CACNA1E: variants seen among roughly 807,000 people sequenced by gnomAD.
CACNA1E encodes the protein calcium voltage-gated channel subunit alpha1 E.
Under a neutral mutation model 259.2 loss-of-function variants are expected in CACNA1E, and 40 were observed. The ratio of observed to expected loss-of-function variants is 0.15; its 90% CI spans 0.12 to 0.20. The LOEUF (loss-of-function observed/expected upper bound fraction) is 0.20. CACNA1E is among the 10% of genes least tolerant of loss of function. The probability of loss-of-function intolerance (pLI) is 1.00; values close to 1 mark genes in which losing one functional copy is unlikely to be tolerated. For missense variants in CACNA1E, 1,874 were observed against 3,040.1 expected (o/e 0.62, Z 9.02); for synonymous variants, 1,104 against 1,138.5 (o/e 0.97, Z 0.61).
At chr1:181,597,777 A>G (rs981886611) in intron 6 of CACNA1E, among the ~76,000 whole-genome samples, 1 of 152,224 alleles carries the variant, frequency 6.6e-6, no homozygotes, top group Admixed American at 6.5e-5. Flanking sequence ...AGCAAGTCAC[A>G]TTTTATGCAG....
intron 1 of CACNA1E, among the ~76,000 whole-genome samples, chr1:181,367,150 G>C (rs1176525958): frequency 6.6e-6 from 1 of 152,182 alleles, no homozygotes; most frequent in Non-Finnish European, 1.5e-5. Flanking sequence ...ACGCAAAAGA[G>C]TGTTGTGGTT....
intron 6 of CACNA1E, among the ~76,000 whole-genome samples, chr1:181,600,772 T>C (rs1426637139): frequency 2.6e-5 from 4 of 152,166 alleles, no homozygotes; most frequent in African/African-American, 7.2e-5. Context: ...TCATAAGAAG[T>C]AAGTAGCTGG....
intron 3 of CACNA1E, among the ~76,000 whole-genome samples, chr1:181,516,998 C>T (rs1348669147): frequency 2.0e-5 from 3 of 152,108 alleles, no homozygotes; most frequent in Non-Finnish European, 2.9e-5. Flanking sequence ...CTAGGAGGCC[C>T]CTCAAGAGCT....
At chr1:181,643,692 CT>C (rs1256711994) in intron 6 of CACNA1E, among the ~76,000 whole-genome samples, 5 of 152,200 alleles carry the variant, frequency 3.3e-5, no homozygotes, top group Non-Finnish European at 5.9e-5. Context: ...GCCAAACACT[CT>C]GCTGCATTTT....
intron 25 of CACNA1E, 82 bp from the exon 26 acceptor site, chr1:181,750,394 C>T: frequency 2.4e-6 from 3 of 1,241,404 alleles, no homozygotes; most frequent in South Asian, 2.5e-5. Flanking sequence ...TTCTGACTGT[C>T]TTTCTTCTCT....
chr1:181,437,474 C>T (rs1341519914), intron 2 of CACNA1E, among the ~76,000 whole-genome samples: 1 of 152,166 alleles, frequency 6.6e-6, no homozygotes, highest in African/African-American at 2.4e-5. Flanking sequence ...ATGTTGTCCC[C>T]ACTTTCTCAT....
intron 2 of CACNA1E, among the ~76,000 whole-genome samples, chr1:181,471,874 T>G (rs1164758436): frequency 1.4e-5 from 2 of 145,474 alleles, no homozygotes; most frequent in Non-Finnish European, 2.9e-5. Context: ...TCAGTATCAT[T>G]CTGTAAACTG....
At chr1:181,773,219 G>T (rs570643458) in intron 37 of CACNA1E, among the ~76,000 whole-genome samples, 1 of 152,182 alleles carries the variant, frequency 6.6e-6, no homozygotes, top group East Asian at 1.9e-4. Context: ...TCTCCAGTGA[G>T]GGGGGTGGGC....
In CACNA1E at chr1:181,800,143, T is replaced by A. The variant is rs1297222035; in HGVS notation, c.*1309T>A. On this transcript the variant is annotated 3_prime_UTR_variant, in exon 48 of 48. Transcript: ENST00000367573. ...GAGGGACCGTTGGGACCGCAGATTC[T>A]GCAGCTGGTGTGGGGTTCAGGTCAG... 1 of 152,864 alleles carries A rather than the reference T, an allele frequency of 6.5e-6. No homozygotes were observed. The highest frequency in any genetic ancestry group is 1.5e-5 in the Non-Finnish European group (1 of 68,188). 9.5% of individuals were successfully genotyped at this position (152,864 alleles called of 1,614,324 possible). A position where few individuals can be genotyped will look rare whatever the true frequency, so the allele number is the denominator to read the frequency against.
At chr1:181,473,929 G>A (rs1472233867) in intron 2 of CACNA1E, among the ~76,000 whole-genome samples, 1 of 152,192 alleles carries the variant, frequency 6.6e-6, no homozygotes, top group Non-Finnish European at 1.5e-5. Flanking sequence ...AATAGCACTT[G>A]CCACATGGGC....
At chr1:181,668,077 G>A (rs1047316365) in intron 7 of CACNA1E, among the ~76,000 whole-genome samples, 28 of 152,118 alleles carry the variant, frequency 1.8e-4, no homozygotes, top group African/African-American at 6.0e-4. Flanking sequence ...ATTTTATCAC[G>A]TGTAAATTTG....
intron 20 of CACNA1E, 28 bp downstream of exon 20, chr1:181,733,062 G>A (rs1462561887): frequency 6.5e-7 from 1 of 1,548,832 alleles, no homozygotes; most frequent in African/African-American, 1.4e-5. Context: ...CTCCCAGATG[G>A]ATGGCACACA....
At chr1:181,500,922 G>A (rs946813960) in intron 1 of CACNA1E, among the ~76,000 whole-genome samples, 1 of 152,186 alleles carries the variant, frequency 6.6e-6, no homozygotes, top group African/African-American at 2.4e-5. Context: ...TTGATATGAA[G>A]TGGGGTGTAG....
In CACNA1E at chr1:181,634,809, A is replaced by G. The variant is rs536597547; in HGVS notation, c.952-16529A>G. Among the ~76,000 whole-genome samples, 385 of 151,646 alleles carry G rather than the reference A, an allele frequency of 2.5e-3. 2 individuals carry two copies. Among genetic ancestry groups the G allele is most frequent in the African/African-American group, 8.9e-3 (368 of 41,318 alleles). On this transcript the variant is annotated intron_variant, in intron 6 of 47. Coordinates refer to ENST00000367573, the MANE Select transcript of CACNA1E (RefSeq NM_001205293.3). ...GTGTGAGTTCTGCTTCTGTTCTCCT[A>G]CTCCAGGTATGTCCCCTCACCTGGC...
At chr1:181,538,309 C>T (rs1333880024) in intron 3 of CACNA1E, among the ~76,000 whole-genome samples, 1 of 152,104 alleles carries the variant, frequency 6.6e-6, no homozygotes, top group Non-Finnish European at 1.5e-5. Context: ...AATATATCTG[C>T]TTTAAGGGAA....
At position 181,802,677 on chromosome 1, in the gene CACNA1E, T is replaced by C. The variant is rs1459573408; in HGVS notation, c.*3843T>C. On this transcript the variant is annotated 3_prime_UTR_variant, in exon 48 of 48. Transcript: ENST00000367573. ...TCCTCGCAAGACAACTGACACAAGG[T>C]GTAGGGTGTGGGGGTGGACAAAATG... 1 of 152,192 alleles carries C rather than the reference T, an allele frequency of 6.6e-6. No individual in the cohort carries two copies. The highest frequency in any genetic ancestry group is 2.1e-4 in the South Asian group (1 of 4,818). The allele number at this position is 152,192 out of a possible 1,614,324, so 9.4% of individuals were successfully genotyped here.
At chr1:181,794,477 G>A (rs1303667985) in intron 45 of CACNA1E, among the ~76,000 whole-genome samples, 1 of 152,050 alleles carries the variant, frequency 6.6e-6, no homozygotes, top group East Asian at 1.9e-4. Flanking sequence ...CTTCTTTCAT[G>A]AATGGGGTGG....
rs183027019 is a variant in CACNA1E at position 181,356,699 on chromosome 1, C to T, written c.-15+38576C>T. On this transcript the variant is annotated intron_variant, in intron 1 of 11. Coordinates refer to the CACNA1E transcript ENST00000524607. Reference sequence around the variant, plus strand: ...TTCTCTGCCACCTTGGAGGAAGCTGCGGCGGTGGAGGCTGTTCCAGGCTCT... The same window carrying T: ...TTCTCTGCCACCTTGGAGGAAGCTGTGGCGGTGGAGGCTGTTCCAGGCTCT... Among the ~76,000 whole-genome samples, 53 of 152,310 alleles carry T rather than the reference C, an allele frequency of 3.5e-4. 1 individual carries two copies. The East Asian group carries it at 4.4e-3, about 13-fold the overall frequency.
chr1:181,335,243 T>A (rs1308910978), intron 1 of CACNA1E, among the ~76,000 whole-genome samples: 4 of 152,236 alleles, frequency 2.6e-5, no homozygotes, highest in African/African-American at 9.6e-5. Context: ...TCAGGAAAGC[T>A]GCCTGGTTGC....
Sources: allele counts gnomAD v4.1 joint callset (sites outside exome capture counted in the v4.1 genomes callset), GRCh38; gene constraint gnomAD v4.1.1; transcripts MANE v1.5; gene names NCBI Gene and HGNC (gene_info 2026-07-23, HGNC 2026-07-21).